The following MYO1E variants were observed in gnomAD, a reference collection of about 807,000 sequenced individuals.
MYO1E encodes myosin IE, also known as unconventional myosin-Ie.
MYO1E carries 68 observed loss-of-function variants against 151.1 expected under a neutral mutation model. The observed-to-expected ratio is 0.45, with a 90% CI of 0.37 to 0.55. MYO1E has a LOEUF of 0.55. MYO1E is among the 20% of genes least tolerant of loss of function. MYO1E has a pLI of 0.00. For missense variants in MYO1E, 1,363 were observed against 1,389.3 expected, an observed-to-expected ratio of 0.98 and a Z score of 0.30; for synonymous variants, 601 against 501.7, an observed-to-expected ratio of 1.20 and a Z score of -2.64.
chr15:59,148,427 A>T (rs1209428068), intron 26 of MYO1E, among the ~76,000 whole-genome samples: 1 of 152,028 alleles, frequency 6.6e-6, no homozygotes, highest in Non-Finnish European at 1.5e-5. Flanking sequence ...TTCGAATATC[A>T]CCTCTTTGTT....
intron 1 of MYO1E, among the ~76,000 whole-genome samples, chr15:59,337,979 A>G (rs1292287528): frequency 1.3e-5 from 2 of 152,144 alleles, no homozygotes; most frequent in African/African-American, 4.8e-5. Flanking sequence ...GTTAAATTAA[A>G]CTCCTTTTTT....
chr15:59,244,518 T>C (rs892943097), intron 4 of MYO1E, among the ~76,000 whole-genome samples: 4 of 152,212 alleles, frequency 2.6e-5, no homozygotes, highest in African/African-American at 9.6e-5. Context: ...ACAGAGAGAA[T>C]AGAGTCTACC....
intron 1 of MYO1E, among the ~76,000 whole-genome samples, chr15:59,298,740 A>G (rs1030698954): frequency 3.3e-5 from 5 of 152,234 alleles, no homozygotes; most frequent in African/African-American, 1.2e-4. Flanking sequence ...GGTAAAGGAC[A>G]ACATGAGTGA....
intron 1 of MYO1E, among the ~76,000 whole-genome samples, chr15:59,323,303 T>G (rs1383836380): frequency 1.3e-5 from 2 of 151,990 alleles, no homozygotes; most frequent in Admixed American, 1.3e-4. Flanking sequence ...TATGGTAATT[T>G]CTGAACATGA....
At chr15:59,154,826 A>G (rs2079500964) in intron 25 of MYO1E, among the ~76,000 whole-genome samples, 1 of 152,172 alleles carries the variant, frequency 6.6e-6, no homozygotes, top group African/African-American at 2.4e-5. Context: ...TTATTATTGC[A>G]GAAATATTTC....
At chr15:59,262,624 C>G (rs2080230935) in intron 2 of MYO1E, among the ~76,000 whole-genome samples, 1 of 152,114 alleles carries the variant, frequency 6.6e-6, no homozygotes, top group Admixed American at 6.6e-5. Flanking sequence ...GCATTCCAGC[C>G]TGGGTGACAG....
intron 4 of MYO1E, among the ~76,000 whole-genome samples, chr15:59,237,628 G>C (rs146847033): frequency 6.9e-6 from 1 of 145,274 alleles, no homozygotes; most frequent in Non-Finnish European, 1.5e-5. Context: ...CAAGTTCATA[G>C]GACAATATTT....
intron 1 of MYO1E, among the ~76,000 whole-genome samples, chr15:59,315,333 C>G: frequency 6.6e-6 from 1 of 152,102 alleles, no homozygotes; most frequent in Non-Finnish European, 1.5e-5. Context: ...ATTGCCATCC[C>G]CATCCACGTA....
At chr15:59,227,644 C>T in intron 6 of MYO1E, 54 bp from the exon 7 acceptor site, 1 of 1,600,056 alleles carries the variant, frequency 6.2e-7, no homozygotes, top group African/African-American at 1.3e-5. Context: ...ACATGATGTC[C>T]CAAACAGGCT....
chr15:59,171,765 A>C, intron 22 of MYO1E, 132 bp downstream of exon 22: 3 of 1,180,860 alleles, frequency 2.5e-6, no homozygotes, highest in Non-Finnish European at 3.7e-6. Flanking sequence ...GACAAAGGGA[A>C]ATTCCATTCT....
chr15:59,345,896 G>C (rs1303802965), intron 1 of MYO1E, among the ~76,000 whole-genome samples: 2 of 152,212 alleles, frequency 1.3e-5, no homozygotes, highest in Non-Finnish European at 2.9e-5. Context: ...AACAATTCTG[G>C]GGTAGAGGGA....
chr15:59,145,283 G>A (rs1052772806), intron 26 of MYO1E, among the ~76,000 whole-genome samples: 15 of 152,200 alleles, frequency 9.9e-5, no homozygotes, highest in African/African-American at 3.6e-4. Flanking sequence ...CATGAGACCC[G>A]CATGCCCACT....
chr15:59,188,483 G>A (rs1000681182), intron 17 of MYO1E, among the ~76,000 whole-genome samples: 1 of 152,152 alleles, frequency 6.6e-6, no homozygotes, highest in African/African-American at 2.4e-5. Flanking sequence ...ATCACCTGAG[G>A]TCAGGAGTTC....
intron 1 of MYO1E, among the ~76,000 whole-genome samples, chr15:59,313,013 C>G (rs1295263648): frequency 9.2e-5 from 14 of 152,200 alleles, no homozygotes; most frequent in African/African-American, 3.1e-4. Flanking sequence ...GGGCCCCACC[C>G]TAAACCTGCT....
chr15:59,274,365 A>G (rs1308204414), intron 1 of MYO1E, among the ~76,000 whole-genome samples: 3 of 152,330 alleles, frequency 2.0e-5, no homozygotes, highest in Middle Eastern at 3.4e-3. Flanking sequence ...TGGCCACAGC[A>G]TGACTCACTA....
At chr15:59,276,629 T>G (rs184999252) in intron 1 of MYO1E, among the ~76,000 whole-genome samples, 5 of 152,330 alleles carry the variant, frequency 3.3e-5, no homozygotes, top group Admixed American at 2.6e-4. Flanking sequence ...TTCTGGAAAG[T>G]AGGGTACGCC....
At chr15:59,190,904 T>C (rs2079729013) in intron 17 of MYO1E, among the ~76,000 whole-genome samples, 1 of 152,048 alleles carries the variant, frequency 6.6e-6, no homozygotes, top group Non-Finnish European at 1.5e-5. Flanking sequence ...AGGGGCGAGT[T>C]GAATCCATGA....
chr15:59,347,889 AT>A (rs1301241839), intron 1 of MYO1E, among the ~76,000 whole-genome samples: 1 of 152,220 alleles, frequency 6.6e-6, no homozygotes, highest in Non-Finnish European at 1.5e-5. Flanking sequence ...TAATTACATA[AT>A]TTGGGGTTAA....
chr15:59,322,899 C>T (rs1161128153), intron 1 of MYO1E, among the ~76,000 whole-genome samples: 16 of 151,794 alleles, frequency 1.1e-4, no homozygotes, highest in African/African-American at 3.1e-4. Context: ...CGGTGGCTTA[C>T]GCCTACAATT....
Sources: allele counts gnomAD v4.1 joint callset (sites outside exome capture counted in the v4.1 genomes callset), GRCh38; gene constraint gnomAD v4.1.1; transcripts MANE v1.5; gene names NCBI Gene and HGNC (gene_info 2026-07-23, HGNC 2026-07-21).